The following MARCHF1 variants were observed in gnomAD, a reference collection of about 807,000 sequenced individuals.
MARCHF1 encodes the protein membrane associated ring-CH-type finger 1.
A neutral mutation model predicts 54.2 loss-of-function variants in MARCHF1; 40 were observed. That is an observed-to-expected ratio of 0.74 (90% CI 0.57 to 0.96). MARCHF1 has a LOEUF of 0.96. Among genes scored for constraint, MARCHF1 ranks in the 40% least tolerant of loss-of-function variants. The pLI is 0.00. For missense variants in MARCHF1, 586 were observed against 656.5 expected (o/e 0.89, Z 1.17); for synonymous variants, 236 against 236.3 (o/e 1.00, Z 0.01).
chr4:164,218,001 A>G (rs1239328189), intron 1 of MARCHF1, among the ~76,000 whole-genome samples: 1 of 152,088 alleles, frequency 6.6e-6, no homozygotes, highest in African/African-American at 2.4e-5. Context: ...TAAAGGTCTT[A>G]GACATTCTTT....
chr4:163,714,088 T>C (rs1745189529), intron 4 of MARCHF1, among the ~76,000 whole-genome samples: 1 of 152,220 alleles, frequency 6.6e-6, no homozygotes. Flanking sequence ...CAGTGTCTCA[T>C]GTTATTCTTT....
intron 3 of MARCHF1, among the ~76,000 whole-genome samples, chr4:163,946,379 G>C (rs1416779685): frequency 6.6e-6 from 1 of 151,910 alleles, no homozygotes; most frequent in East Asian, 1.9e-4. Flanking sequence ...TTCCAAAATA[G>C]ATCCCATACT....
chr4:163,968,755 C>G (rs1752492046), intron 3 of MARCHF1, among the ~76,000 whole-genome samples: 1 of 152,138 alleles, frequency 6.6e-6, no homozygotes, highest in East Asian at 1.9e-4. Flanking sequence ...TCCTTCCTCA[C>G]TCCTCTTCCA....
At chr4:163,639,278 T>G (rs1742469371) in intron 5 of MARCHF1, among the ~76,000 whole-genome samples, 1 of 152,168 alleles carries the variant, frequency 6.6e-6, no homozygotes. Context: ...CAGGTTGTAA[T>G]TTTTATAGTC....
chr4:164,121,196 T>C (rs922732538), intron 1 of MARCHF1, among the ~76,000 whole-genome samples: 1 of 152,094 alleles, frequency 6.6e-6, no homozygotes, highest in Non-Finnish European at 1.5e-5. Flanking sequence ...AGCAATTATC[T>C]GCCAAAAATT....
chr4:164,269,040 C>A (rs1014010526), intron 1 of MARCHF1, among the ~76,000 whole-genome samples: 6 of 152,084 alleles, frequency 3.9e-5, no homozygotes, highest in Admixed American at 1.3e-4. Flanking sequence ...AAGAGATATA[C>A]CTTTAATTTT....
intron 4 of MARCHF1, among the ~76,000 whole-genome samples, chr4:163,793,699 T>C (rs1747831436): frequency 6.6e-6 from 1 of 152,146 alleles, no homozygotes; most frequent in Admixed American, 6.6e-5. Flanking sequence ...ACCTAATCAG[T>C]TATGTTATCT....
chr4:163,890,516 T>C (rs771818827), intron 3 of MARCHF1, among the ~76,000 whole-genome samples: 133 of 152,112 alleles, frequency 8.7e-4, no homozygotes, highest in Non-Finnish European at 1.2e-3. Flanking sequence ...GCAAATAACT[T>C]GATCAATCTA....
chr4:163,922,419 C>T (rs1373804554), intron 3 of MARCHF1, among the ~76,000 whole-genome samples: 1 of 152,102 alleles, frequency 6.6e-6, no homozygotes. Context: ...ATTTTCTGTA[C>T]TAAACAGGAA....
chr4:163,546,485 C>A (rs1738911279), intron 8 of MARCHF1, among the ~76,000 whole-genome samples: 2 of 152,172 alleles, frequency 1.3e-5, no homozygotes. Flanking sequence ...TAATAGGTAA[C>A]ACTATCTTCT....
intron 3 of MARCHF1, among the ~76,000 whole-genome samples, chr4:163,934,848 A>T (rs1751760075): frequency 6.6e-6 from 1 of 152,058 alleles, no homozygotes; most frequent in Non-Finnish European, 1.5e-5. Flanking sequence ...ATTCCTGTTA[A>T]TGTTGATATG....
At chr4:164,324,591 GA>G (rs1198229246) in intron 1 of MARCHF1, among the ~76,000 whole-genome samples, 1 of 151,352 alleles carries the variant, frequency 6.6e-6, no homozygotes, top group Non-Finnish European at 1.5e-5. Context: ...GAAGCTAGAA[GA>G]AATCAGTATT....
intron 4 of MARCHF1, among the ~76,000 whole-genome samples, chr4:163,777,870 T>C (rs1340776013): frequency 1.3e-5 from 2 of 152,126 alleles, no homozygotes; most frequent in Non-Finnish European, 2.9e-5. Context: ...ACAATAATGA[T>C]TCAGAATAAT....
At chr4:164,074,203 G>T (rs1159511674) in intron 2 of MARCHF1, among the ~76,000 whole-genome samples, 1 of 152,184 alleles carries the variant, frequency 6.6e-6, no homozygotes, top group Non-Finnish European at 1.5e-5. Flanking sequence ...GTAATCAGGG[G>T]ATACCTGAAG....
intron 1 of MARCHF1, among the ~76,000 whole-genome samples, chr4:164,331,395 A>T (rs1048348337): frequency 3.3e-5 from 5 of 152,302 alleles, no homozygotes; most frequent in African/African-American, 1.2e-4. Flanking sequence ...GTTAAGACAG[A>T]ATATTTTGAA....
At chr4:163,645,381 T>G (rs775524647) in intron 5 of MARCHF1, among the ~76,000 whole-genome samples, 11 of 152,236 alleles carry the variant, frequency 7.2e-5, no homozygotes, top group Non-Finnish European at 1.6e-4. Context: ...AGCCTTAACC[T>G]GCCAAAACAT....
At chr4:163,609,831 C>A (rs1187715348) in intron 7 of MARCHF1, among the ~76,000 whole-genome samples, 1 of 151,864 alleles carries the variant, frequency 6.6e-6, no homozygotes, top group African/African-American at 2.4e-5. Context: ...ACTTTAGAGG[C>A]AGCCTCTTTG....
chr4:164,199,335 C>T (rs1731372029), intron 1 of MARCHF1, among the ~76,000 whole-genome samples: 1 of 152,134 alleles, frequency 6.6e-6, no homozygotes, highest in African/African-American at 2.4e-5. Flanking sequence ...TCATCTACCA[C>T]ACTGACATCA....
intron 4 of MARCHF1, among the ~76,000 whole-genome samples, chr4:163,759,506 C>G (rs1039476649): frequency 6.6e-6 from 1 of 152,062 alleles, no homozygotes; most frequent in Non-Finnish European, 1.5e-5. Context: ...AAAATGATTT[C>G]TTGATAATGA....
Sources: gnomAD v4.1 joint callset for allele counts (sites outside exome capture counted in the v4.1 genomes callset) on GRCh38, gnomAD v4.1.1 for gene constraint, MANE v1.5 for transcripts, NCBI Gene and HGNC (gene_info 2026-07-23, HGNC 2026-07-21) for gene names.